BFSP1: variants seen among roughly 807,000 people sequenced by gnomAD.
BFSP1 encodes beaded filament structural protein 1, also known as filensin.
In BFSP1, 38 loss-of-function variants were observed where a neutral mutation model predicts 43.9. That is an observed-to-expected ratio of 0.87 (90% CI 0.67 to 1.14). BFSP1 has a LOEUF of 1.14. BFSP1 is among the 50% of genes most tolerant of loss of function. The pLI, the probability that BFSP1 is intolerant of heterozygous loss-of-function variation, is 0.00. For missense variants in BFSP1, 850 were observed against 875.1 expected (o/e 0.97, Z 0.36); for synonymous variants, 352 against 354.8 (o/e 0.99, Z 0.09).
intron 2 of BFSP1, among the ~76,000 whole-genome samples, chr20:17,518,147 C>G (rs1339512512): frequency 6.6e-6 from 1 of 152,228 alleles, no homozygotes; most frequent in African/African-American, 2.4e-5. Context: ...TTCAACAAAT[C>G]TACACGTGGT....
At chr20:17,515,163 G>A (rs770493503) in intron 2 of BFSP1, among the ~76,000 whole-genome samples, 16 of 152,134 alleles carry the variant, frequency 1.1e-4, no homozygotes, top group Non-Finnish European at 1.5e-4. Context: ...ACAATACACA[G>A]GACAGCATCC....
intron 6 of BFSP1, among the ~76,000 whole-genome samples, chr20:17,497,855 G>C (rs1230969838): frequency 6.6e-6 from 1 of 152,006 alleles, no homozygotes; most frequent in Non-Finnish European, 1.5e-5. Flanking sequence ...ATAAATAAAA[G>C]AGGTATCCAG....
At chr20:17,554,695 T>C (rs2034961021) in intron 1 of BFSP1, among the ~76,000 whole-genome samples, 1 of 152,188 alleles carries the variant, frequency 6.6e-6, no homozygotes, top group Non-Finnish European at 1.5e-5. Context: ...AGGAACAAGA[T>C]AAGGATCGCC....
chr20:17,526,527 T>C (rs953261179), intron 1 of BFSP1, among the ~76,000 whole-genome samples: 3 of 152,254 alleles, frequency 2.0e-5, no homozygotes, highest in African/African-American at 4.8e-5. Flanking sequence ...GGGTGTATAA[T>C]ATTCTATGTA....
chr20:17,557,188 C>T (rs1048375577), intron 1 of BFSP1, among the ~76,000 whole-genome samples: 2 of 152,218 alleles, frequency 1.3e-5, no homozygotes, highest in African/African-American at 4.8e-5. Flanking sequence ...ATACAGAGGG[C>T]CAGGCCGTGC....
In BFSP1 at chr20:17,531,250, G is replaced by T; in HGVS notation, c.80C>A (p.Pro27His). 2.1e-6 allele frequency: 3 copies of T among 1,426,672 alleles called. No individual in the cohort carries two copies. Among genetic ancestry groups the T allele is most frequent in the Non-Finnish European group, 2.7e-6 (3 of 1,091,152 alleles). The allele number at this position is 1,426,672 out of a possible 1,614,324, so 88.4% of individuals were successfully genotyped here. A position where few individuals can be genotyped will look rare whatever the true frequency, so the allele number is the denominator to read the frequency against. Reference protein sequence around the residue: ...HADEASRAAEPERPADEGWAG... With the variant: ...HADEASRAAEHERPADEGWAG... ...CCAGCCCTCGTCGGCCGGGCGCTCG[G>T]GCTCGGCGGCGCGCGAAGCCTCGTC... Residue 27 changes from proline to histidine, a missense_variant, in exon 1 of 8, where the codon CCC becomes CAC. Pro to His is a moderately conservative substitution (Grantham distance 77). Coordinates refer to ENST00000377873, the MANE Select transcript of BFSP1 (RefSeq NM_001195.5).
At chr20:17,531,460 C>T (rs1166672212), upstream of BFSP1, 4 of 1,180,012 alleles carry the variant, frequency 3.4e-6, no homozygotes, top group African/African-American at 1.6e-5. Context: ...AGCCGATCAG[C>T]AGTTGGGCGC....
At chr20:17,548,164 A>G (rs2034836744) in intron 1 of BFSP1, among the ~76,000 whole-genome samples, 1 of 121,188 alleles carries the variant, frequency 8.3e-6, no homozygotes, top group Non-Finnish European at 1.7e-5. Flanking sequence ...TCTAGTCCAA[A>G]TTGCAGAAAA....
intron 1 of BFSP1, among the ~76,000 whole-genome samples, chr20:17,538,227 T>G (rs539255944): frequency 6.6e-6 from 1 of 151,894 alleles, no homozygotes; most frequent in South Asian, 2.1e-4. Flanking sequence ...GAAACTGGTT[T>G]GGGGATGAGG....
chr20:17,552,878 T>C (rs1007553870), intron 1 of BFSP1, among the ~76,000 whole-genome samples: 1 of 152,212 alleles, frequency 6.6e-6, no homozygotes, highest in Non-Finnish European at 1.5e-5. Context: ...AGGGCAAGTG[T>C]TGAATAGACA....
intron 2 of BFSP1, among the ~76,000 whole-genome samples, chr20:17,522,369 G>C (rs527888249): frequency 1.5e-4 from 23 of 152,288 alleles, no homozygotes; most frequent in Admixed American, 3.3e-4. Context: ...ACCACGGGCT[G>C]TTCTGAGGCT....
At chr20:17,504,292 T>C (rs572784586) in intron 5 of BFSP1, among the ~76,000 whole-genome samples, 104 of 152,296 alleles carry the variant, frequency 6.8e-4, no homozygotes, top group Middle Eastern at 3.4e-3. Flanking sequence ...CTGATGTCTA[T>C]ACCGATGTGG....
chr20:17,504,164 A>AG (rs1241803839), intron 5 of BFSP1, among the ~76,000 whole-genome samples: 1 of 152,078 alleles, frequency 6.6e-6, no homozygotes, highest in Non-Finnish European at 1.5e-5. Context: ...GCGCCCCCAC[A>AG]GCCCCCATCC....
In BFSP1 at chr20:17,525,418, C is replaced by A. The variant is rs2034399535; in HGVS notation, c.378-510G>T. Among the ~76,000 whole-genome samples the A allele has an allele frequency of 6.6e-6, 1 of 152,196 alleles. No homozygotes were observed. The highest frequency in any genetic ancestry group is 6.5e-5 in the Admixed American group (1 of 15,276). ...AAGAAAGCAGTTATTGTTAGTGCTGCATTAAAGATGAGGAAACTCAGGCAG... is the reference window on the plus strand; with the variant it reads ...AAGAAAGCAGTTATTGTTAGTGCTGAATTAAAGATGAGGAAACTCAGGCAG... On this transcript the variant is annotated intron_variant, in intron 1 of 7. Transcript: ENST00000377873. This position sits in a 1 kb window ranked among gnomAD's most constrained non-coding sequence, Gnocchi z 4.2.
At chr20:17,533,121 G>A (rs2034574716), upstream of BFSP1, among the ~76,000 whole-genome samples, 1 of 152,072 alleles carries the variant, frequency 6.6e-6, no homozygotes, top group South Asian at 2.1e-4. Context: ...AGGCCAAAGT[G>A]GGAGGATCTC....
chr20:17,568,600 T>G (rs1050122814), intron 1 of BFSP1, among the ~76,000 whole-genome samples: 17 of 152,144 alleles, frequency 1.1e-4, no homozygotes, highest in Non-Finnish European at 1.6e-4. Flanking sequence ...CAAATCTAGC[T>G]TTGAACAACT....
At chr20:17,557,358 C>T (rs533715205) in intron 1 of BFSP1, among the ~76,000 whole-genome samples, 121 of 152,324 alleles carry the variant, frequency 7.9e-4, no homozygotes, top group Admixed American at 2.7e-3. Context: ...ATATCCCTTC[C>T]CACCTGCACT....
At chr20:17,503,844 T>G (rs2033863654) in intron 5 of BFSP1, among the ~76,000 whole-genome samples, 1 of 152,212 alleles carries the variant, frequency 6.6e-6, no homozygotes, top group Non-Finnish European at 1.5e-5. Context: ...AAAGTCAGTG[T>G]GAGCCATGCA....
chr20:17,509,970 G>GT (rs1407552418), intron 4 of BFSP1, among the ~76,000 whole-genome samples: 3 of 152,202 alleles, frequency 2.0e-5, no homozygotes, highest in Admixed American at 2.0e-4. Flanking sequence ...TACAATGAGG[G>GT]TTTCTGTGTC....
Sources: allele counts gnomAD v4.1 joint callset (sites outside exome capture counted in the v4.1 genomes callset), GRCh38; gene constraint gnomAD v4.1.1; non-coding constraint Gnocchi (gnomAD v3.1); transcripts MANE v1.5; gene names NCBI Gene and HGNC (gene_info 2026-07-23, HGNC 2026-07-21).